The following STAT4 variants were observed in gnomAD, a reference collection of about 807,000 sequenced individuals.
The protein encoded by STAT4 is signal transducer and activator of transcription 4.
In STAT4, 42 loss-of-function variants were observed where a neutral mutation model predicts 110.5. The ratio of observed to expected loss-of-function variants is 0.38; its 90% CI spans 0.30 to 0.49. STAT4 has a LOEUF of 0.49. Ranked by LOEUF, STAT4 falls within the 20% of genes least tolerant of loss-of-function variation. The probability of loss-of-function intolerance (pLI) is 0.95; values close to 1 mark genes in which losing one functional copy is unlikely to be tolerated. For missense variants in STAT4, 632 were observed against 887.9 expected, an observed-to-expected ratio of 0.71 and a Z score of 3.66; for synonymous variants, 284 against 302.2, an observed-to-expected ratio of 0.94 and a Z score of 0.63.
At position 191,066,073 on chromosome 2, in the gene STAT4, A is replaced by G. The variant is rs1168091584; in HGVS notation, c.630+357T>C. On this transcript the variant is annotated intron_variant, in intron 7 of 23. Transcript: ENST00000392320. The surrounding 1 kb of genome is among the most constrained non-coding windows in gnomAD (Gnocchi z 4.3). ...AAAATTTTAGTAGTCATCAAATACTATATTAATTATATATGTGCAGTGGAA... is the reference window on the plus strand; with the variant it reads ...AAAATTTTAGTAGTCATCAAATACTGTATTAATTATATATGTGCAGTGGAA... Among the ~76,000 whole-genome samples, 2 of 152,220 alleles carry G rather than the reference A, an allele frequency of 1.3e-5. No individual in the cohort carries two copies. Among genetic ancestry groups the G allele is most frequent in the East Asian group, 1.9e-4 (1 of 5,206 alleles).
At chr2:191,071,152 T>C (rs906751843) in intron 5 of STAT4, among the ~76,000 whole-genome samples, 6 of 152,164 alleles carry the variant, frequency 3.9e-5, no homozygotes, top group African/African-American at 1.4e-4. Context: ...CTTACATAGA[T>C]TATCCTTTCG....
rs1431020258 is a variant in STAT4 at position 191,033,694 on chromosome 2, C to T, written c.1716-68G>A. 1.3e-6 allele frequency: 2 copies of T among 1,571,812 alleles called. No individual in the cohort carries two copies. The highest frequency in any genetic ancestry group is 2.7e-5 in the African/African-American group (2 of 72,966). On this transcript the variant is annotated intron_variant, in intron 19 of 23. Coordinates refer to ENST00000392320, the MANE Select transcript of STAT4 (RefSeq NM_003151.4). This position sits in a 1 kb window ranked among gnomAD's most constrained non-coding sequence, Gnocchi z 6.9. ...TTTTCACTTATTGCATTTACAAAGA[C>T]CTACAGTTTGTTTTGAGTGTAATCA...
intron 3 of STAT4, among the ~76,000 whole-genome samples, chr2:191,137,326 C>A (rs6434444): frequency 0.58 from 88,549 of 151,642 alleles, 26,370 homozygotes; most frequent in Admixed American, 0.65. Context: ...AACAAGGCTC[C>A]ATCTCAAAAA....
Position 191,062,629 on chromosome 2 carries a change from G to C in STAT4, c.941+133C>G. 1.1e-6 allele frequency: 1 copy of C among 890,104 alleles called. No individual in the cohort carries two copies. Among genetic ancestry groups the C allele is most frequent in the Admixed American group, 3.1e-5 (1 of 32,770 alleles). 55.1% of individuals were successfully genotyped at this position (890,104 alleles called of 1,614,324 possible). ...GAAATGTGGTTTCTAAAACTTTCTG[G>C]GGTTCTATTCACTTCTCCCTGAGGC... On this transcript the variant is annotated intron_variant, in intron 9 of 23. Transcript: ENST00000392320. The surrounding 1 kb of genome is among the most constrained non-coding windows in gnomAD (Gnocchi z 4.9).
At chr2:191,097,527 C>T (rs1002699755) in intron 3 of STAT4, among the ~76,000 whole-genome samples, 1 of 152,136 alleles carries the variant, frequency 6.6e-6, no homozygotes, top group African/African-American at 2.4e-5. Flanking sequence ...GGAAAGGATT[C>T]CCTATTTAAT....
At chr2:191,067,779 G>A (rs1294605361) in intron 6 of STAT4, among the ~76,000 whole-genome samples, 1 of 152,086 alleles carries the variant, frequency 6.6e-6, no homozygotes, top group East Asian at 1.9e-4. Flanking sequence ...AGAGGGTGAA[G>A]GGAGAAGATT....
chr2:191,068,358 C>T (rs1179589831), intron 6 of STAT4: 1 of 152,058 alleles, frequency 6.6e-6, no homozygotes, highest in East Asian at 1.9e-4. Flanking sequence ...TTATGGACTC[C>T]CCTTTGATAA....
intron 8 of STAT4, among the ~76,000 whole-genome samples, chr2:191,063,217 A>C (rs547951362): frequency 1.3e-3 from 191 of 152,244 alleles, no homozygotes; most frequent in African/African-American, 4.3e-3. Context: ...CCTTTTAATC[A>C]TTCTTTGTTT....
chr2:191,089,057 G>A (rs936024427), intron 3 of STAT4, among the ~76,000 whole-genome samples: 2 of 152,084 alleles, frequency 1.3e-5, no homozygotes, highest in African/African-American at 4.8e-5. Context: ...CAACACTAAA[G>A]GCAAAATTCA....
At chr2:191,093,230 A>T (rs1001753813) in intron 3 of STAT4, among the ~76,000 whole-genome samples, 5 of 152,214 alleles carry the variant, frequency 3.3e-5, no homozygotes, top group Admixed American at 3.3e-4. Context: ...CTGAGAATGG[A>T]CAGACTGCCT....
At chr2:191,078,390 G>A (rs1697371345) in intron 3 of STAT4, among the ~76,000 whole-genome samples, 1 of 151,902 alleles carries the variant, frequency 6.6e-6, no homozygotes, top group Admixed American at 6.6e-5. Context: ...CCCATACTTT[G>A]TATGGTTAAA....
At chr2:191,076,769 C>A (rs1007890537) in intron 3 of STAT4, among the ~76,000 whole-genome samples, 1 of 151,858 alleles carries the variant, frequency 6.6e-6, no homozygotes, top group Non-Finnish European at 1.5e-5. Flanking sequence ...CCTCAGGCTC[C>A]CAAGTAGCTG....
chr2:191,145,935 C>A (rs1444522123), intron 3 of STAT4, among the ~76,000 whole-genome samples: 1 of 152,174 alleles, frequency 6.6e-6, no homozygotes, highest in Non-Finnish European at 1.5e-5. Flanking sequence ...TTACTCACCC[C>A]TTAATCAGTA....
In STAT4 at chr2:191,112,238, T is replaced by C. The variant is rs1287358293; in HGVS notation, c.273+34375A>G. Among the ~76,000 whole-genome samples the C allele has an allele frequency of 1.3e-5, 2 of 152,202 alleles. No homozygotes were observed. Among genetic ancestry groups the C allele is most frequent in the Non-Finnish European group, 2.9e-5 (2 of 68,018 alleles). ...AGAAATTACCTACATGTATGTAACA[T>C]TTGGGGTGTAGACTCTGGATTCAAA... On this transcript the variant is annotated intron_variant, in intron 3 of 23. Coordinates refer to ENST00000392320, the MANE Select transcript of STAT4 (RefSeq NM_003151.4). The surrounding 1 kb of genome is among the most constrained non-coding windows in gnomAD (Gnocchi z 4.3).
In STAT4 at chr2:191,137,958, T is replaced by C. The variant is rs577466794; in HGVS notation, c.273+8655A>G. 4.6e-5 allele frequency among the ~76,000 whole-genome samples: 7 copies of C among 152,304 alleles called. 1 individual carries two copies. In the South Asian group the frequency reaches 8.3e-4, roughly 18 times the overall value. On this transcript the variant is annotated intron_variant, in intron 3 of 23. Transcript: ENST00000392320. ...AGGACATTGGTCTAGGCAAAGATTT[T>C]ATGCTTATGACCTCAAATGCACAGA... is the stretch of plus-strand genomic sequence containing the variant.
rs780829180 is a variant in STAT4 at position 191,036,212 on chromosome 2, G to A, written c.1522C>T (p.Arg508Cys). 3.1e-6 allele frequency: 5 copies of A among 1,614,098 alleles called. No homozygotes were observed. The South Asian group carries it at 3.3e-5, about 11-fold the overall frequency. The change falls in exon 17 of 24, where the codon CGT becomes TGT. Residue 508 changes from arginine (R) to cysteine (C), a missense_variant. Arg to Cys is a radical substitution (Grantham distance 180). Around this residue, in one of 4 missense-constraint regions of STAT4, gnomAD observed 488 missense variants for 632.8 expected, o/e 0.77. Transcript: ENST00000392320. ...TGGAGTTGATCTGAGTTAAGACCAC[G>A]ACCAACGTACGATGAAAACTGCCAG... is the stretch of plus-strand genomic sequence containing the variant. Reference protein sequence around the residue: ...MSWQFSSYVGRGLNSDQLHML... With the variant: ...MSWQFSSYVGCGLNSDQLHML...
At chr2:191,064,473 T>C (rs1054039307) in intron 8 of STAT4, among the ~76,000 whole-genome samples, 4 of 152,242 alleles carry the variant, frequency 2.6e-5, no homozygotes, top group South Asian at 2.1e-4. Context: ...AGTTGAGATA[T>C]CTATTTTCAA....
At chr2:191,057,923 T>C (rs1696750976) in intron 13 of STAT4, 95 bp downstream of exon 13, 2 of 1,132,548 alleles carry the variant, frequency 1.8e-6, no homozygotes, top group Non-Finnish European at 2.6e-6. Context: ...ATAAGAAATA[T>C]TTAAGCACAA....
intron 3 of STAT4, among the ~76,000 whole-genome samples, chr2:191,098,834 G>C (rs1409394640): frequency 6.6e-6 from 1 of 152,010 alleles, no homozygotes. Flanking sequence ...AGCCAGGATA[G>C]AATCCCTAGA....
Sources: gnomAD v4.1 joint callset for allele counts (sites outside exome capture counted in the v4.1 genomes callset) on GRCh38, gnomAD v4.1.1 for gene constraint, gnomAD v4.1.1 regional missense constraint, Gnocchi (gnomAD v3.1) non-coding constraint, MANE v1.5 for transcripts, NCBI Gene and HGNC (gene_info 2026-07-23, HGNC 2026-07-21) for gene names.